The following CNTN3 variants were observed in gnomAD, a reference collection of about 807,000 sequenced individuals.
CNTN3 encodes contactin-3.
Under a neutral mutation model 119.1 loss-of-function variants are expected in CNTN3, and 60 were observed. The ratio of observed to expected loss-of-function variants is 0.50; its 90% CI spans 0.41 to 0.62. The LOEUF is 0.62. Among genes scored for constraint, CNTN3 ranks in the 20% least tolerant of loss-of-function variants. The pLI is 0.00. For synonymous variants in CNTN3, 450 were observed against 438.7 expected (o/e 1.03, Z -0.32); for missense variants, 1,101 against 1,242.4 (o/e 0.89, Z 1.71).
At position 74,306,386 on chromosome 3, in the gene CNTN3, C is replaced by A. The variant is rs886272957; in HGVS notation, c.1669-3579G>T. On this transcript the variant is annotated intron_variant, in intron 13 of 22. Transcript: ENST00000263665. ...ATAATTCAAGTAACACAACACTAAC[C>A]ATCTTTGGACAAATTCTTAGAAACA... Among the ~76,000 whole-genome samples the A allele has an allele frequency of 3.3e-5, 5 of 151,928 alleles. No individual in the cohort carries two copies. The South Asian group carries it at 8.3e-4, about 25-fold the overall frequency.
At chr3:74,320,032 C>T (rs949889050) in intron 13 of CNTN3, among the ~76,000 whole-genome samples, 10 of 152,016 alleles carry the variant, frequency 6.6e-5, no homozygotes, top group South Asian at 2.1e-4. Flanking sequence ...GTGCTGGAGA[C>T]GATGTGGAGA....
intron 3 of CNTN3, among the ~76,000 whole-genome samples, chr3:74,490,724 C>G (rs1236022942): frequency 1.3e-5 from 2 of 152,190 alleles, no homozygotes; most frequent in Non-Finnish European, 2.9e-5. Context: ...CTTCATCATA[C>G]AGACACAATC....
At chr3:74,296,050 C>T (rs1702332101) in intron 18 of CNTN3, among the ~76,000 whole-genome samples, 2 of 152,120 alleles carry the variant, frequency 1.3e-5, no homozygotes. Flanking sequence ...TCTAGAAGAG[C>T]AGAACCATTT....
At chr3:74,447,427 C>A (rs1229495885) in intron 4 of CNTN3, among the ~76,000 whole-genome samples, 1 of 152,210 alleles carries the variant, frequency 6.6e-6, no homozygotes, top group Non-Finnish European at 1.5e-5. Flanking sequence ...TATGGGTCCC[C>A]TGGGACATAT....
intron 19 of CNTN3, among the ~76,000 whole-genome samples, chr3:74,288,744 T>A (rs1377435204): frequency 6.6e-6 from 1 of 152,180 alleles, no homozygotes; most frequent in Non-Finnish European, 1.5e-5. Context: ...CTGTAGATAC[T>A]GCACTAGAAC....
At chr3:74,600,645 C>T (rs1704894791) in intron 1 of CNTN3, among the ~76,000 whole-genome samples, 1 of 152,060 alleles carries the variant, frequency 6.6e-6, no homozygotes, top group South Asian at 2.1e-4. Flanking sequence ...AGATTCAAAA[C>T]AGGCCATGAC....
rs115877761 is a variant in CNTN3 at position 74,568,133 on chromosome 3, G to A, written c.-81+46258C>T. Among the ~76,000 whole-genome samples, 339 of 150,658 alleles carry A rather than the reference G, an allele frequency of 2.3e-3. 2 individuals are homozygous for A. Among genetic ancestry groups the A allele is most frequent in the African/African-American group, 8.0e-3 (331 of 41,300 alleles). On this transcript the variant is annotated intron_variant, in intron 1 of 22. Transcript: ENST00000263665. ...GATTCCCAGTGGGTCCAATTCTCAC[G>A]CCTATGATAACTTAAAAAAAAATTA...
At chr3:74,434,770 A>C (rs1034274554) in intron 4 of CNTN3, among the ~76,000 whole-genome samples, 10 of 152,208 alleles carry the variant, frequency 6.6e-5, no homozygotes, top group Non-Finnish European at 1.5e-4. Flanking sequence ...TATAAATGTT[A>C]AATAAATGAT....
At chr3:74,522,873 G>A (rs147867209) in intron 1 of CNTN3, among the ~76,000 whole-genome samples, 47 of 151,796 alleles carry the variant, frequency 3.1e-4, no homozygotes, top group Non-Finnish European at 5.9e-4. Flanking sequence ...TAGGGCACAC[G>A]CAGTGTCTGC....
At chr3:74,425,573 CAAT>C (rs1701683315) in intron 4 of CNTN3, among the ~76,000 whole-genome samples, 1 of 151,934 alleles carries the variant, frequency 6.6e-6, no homozygotes, top group Non-Finnish European at 1.5e-5. Flanking sequence ...ACTAACCAGA[CAAT>C]ATAATTCAAA....
chr3:74,395,773 T>C (rs1705033214), intron 5 of CNTN3, among the ~76,000 whole-genome samples: 1 of 152,224 alleles, frequency 6.6e-6, no homozygotes, highest in Non-Finnish European at 1.5e-5. Context: ...TGTGTGTTTT[T>C]TTAAATTGAA....
chr3:74,603,159 A>G (rs1704938854), intron 1 of CNTN3, among the ~76,000 whole-genome samples: 1 of 152,162 alleles, frequency 6.6e-6, no homozygotes. Context: ...AGTTGTCCAA[A>G]TTAAGCCAAC....
At chr3:74,393,315 G>A (rs1223314513) in intron 5 of CNTN3, among the ~76,000 whole-genome samples, 1 of 152,212 alleles carries the variant, frequency 6.6e-6, no homozygotes, top group Non-Finnish European at 1.5e-5. Flanking sequence ...CAGAATGCAT[G>A]TCACTATGAA....
chr3:74,472,436 C>G (rs79684326), intron 4 of CNTN3, among the ~76,000 whole-genome samples: 1,745 of 152,226 alleles, frequency 0.011, 30 homozygotes, highest in African/African-American at 0.039. Context: ...AACTATTCCC[C>G]CCAATAATGT....
intron 1 of CNTN3, among the ~76,000 whole-genome samples, chr3:74,569,227 G>C (rs980607804): frequency 6.6e-6 from 1 of 152,086 alleles, no homozygotes; most frequent in Non-Finnish European, 1.5e-5. Context: ...CATATTACCA[G>C]AACTGTCTCA....
chr3:74,291,225 T>G (rs1320456923), intron 19 of CNTN3, among the ~76,000 whole-genome samples: 2 of 152,204 alleles, frequency 1.3e-5, no homozygotes, highest in Admixed American at 6.5e-5. Flanking sequence ...ACAAAGGACA[T>G]GAACTCATCC....
chr3:74,486,638 A>G lies in CNTN3; in HGVS notation c.183-7T>C. ...ACTTCCATTCAGCTGCCATCTGTAA[A>G]ACAAATATCAAGGTTCCCCCCCCTT... On this transcript the variant is annotated splice_region_variant and splice_polypyrimidine_tract_variant and intron_variant, in intron 3 of 22. Coordinates refer to ENST00000263665, the MANE Select transcript of CNTN3 (RefSeq NM_020872.3). The G allele has an allele frequency of 6.6e-7, 1 of 1,521,072 alleles. No individual in the cohort carries two copies. Among genetic ancestry groups the G allele is most frequent in the Non-Finnish European group, 8.8e-7 (1 of 1,141,088 alleles). The allele number at this position is 1,521,072 out of a possible 1,614,324, so 94.2% of individuals were successfully genotyped here.
intron 7 of CNTN3, 41 bp from the exon 8 acceptor site, chr3:74,369,414 G>A: frequency 1.4e-6 from 2 of 1,475,778 alleles, no homozygotes; most frequent in Non-Finnish European, 9.1e-7. Flanking sequence ...TTGTCTGGAA[G>A]CCTTTTCAAC....
chr3:74,507,626 C>CTTTTTTTTTTT (rs59540461), intron 2 of CNTN3, among the ~76,000 whole-genome samples: 2 of 103,642 alleles, frequency 1.9e-5, no homozygotes, highest in African/African-American at 4.0e-5. Flanking sequence ...TTCTTTCTTT[C>CTTTTTTTTTTT]TTTTTTTTTT....
Sources: allele counts gnomAD v4.1 joint callset (sites outside exome capture counted in the v4.1 genomes callset), GRCh38; gene constraint gnomAD v4.1.1; transcripts MANE v1.5; gene names NCBI Gene and HGNC (gene_info 2026-07-23, HGNC 2026-07-21).